The following PIK3C2G variants were observed in gnomAD, a reference collection of about 807,000 sequenced individuals.
PIK3C2G encodes the protein phosphatidylinositol-4-phosphate 3-kinase catalytic subunit type 2 gamma.
PIK3C2G carries 168 observed loss-of-function variants against 181.1 expected under a neutral mutation model. That is an observed-to-expected ratio of 0.93 (90% CI 0.82 to 1.05). The LOEUF is 1.05. Among genes scored for constraint, PIK3C2G ranks in the 50% least tolerant of loss-of-function variants. PIK3C2G has a pLI of 0.00. For synonymous variants in PIK3C2G, 573 were observed against 592.2 expected (o/e 0.97, Z 0.47); for missense variants, 1,869 against 1,732.8 (o/e 1.08, Z -1.40).
Position 18,293,976 on chromosome 12 carries a change from A to ATAT in PIK3C2G, c.997_999dup (p.Ile333dup), listed in dbSNP as rs1565565015. The ATAT allele has an allele frequency of 1.3e-6, 2 of 1,597,990 alleles. No homozygotes were observed. The highest frequency in any genetic ancestry group is 1.7e-6 in the Non-Finnish European group (2 of 1,165,520). On this transcript the variant is annotated inframe_insertion, in exon 5 of 33. Coordinates refer to ENST00000538779, the MANE Select transcript of PIK3C2G (RefSeq NM_001288772.2). Reference sequence around the variant, plus strand: ...AATGACCAGCTACTCCCCAAAGATCATATTCTAAGTGTATGTGGCTCTGAA... The same window carrying ATAT: ...AATGACCAGCTACTCCCCAAAGATCATATTATTCTAAGTGTATGTGGCTCTGAA...
chr12:18,416,485 T>A (rs1356875718), intron 16 of PIK3C2G, among the ~76,000 whole-genome samples: 3 of 152,200 alleles, frequency 2.0e-5, no homozygotes, highest in African/African-American at 7.2e-5. Flanking sequence ...GATAAGTCAA[T>A]GCTGGGCTTC....
intron 18 of PIK3C2G, among the ~76,000 whole-genome samples, chr12:18,464,268 G>A (rs1300351079): frequency 4.6e-5 from 7 of 152,158 alleles, no homozygotes; most frequent in Middle Eastern, 6.8e-3. Flanking sequence ...TCCTCACGTG[G>A]TGGAAAGAGA....
chr12:18,274,428 A>C (rs1948886673), intron 1 of PIK3C2G, among the ~76,000 whole-genome samples: 1 of 152,248 alleles, frequency 6.6e-6, no homozygotes, highest in South Asian at 2.1e-4. Context: ...GATAGACTGG[A>C]TTAAGAAAAT....
intron 16 of PIK3C2G, among the ~76,000 whole-genome samples, chr12:18,411,356 G>C (rs915735770): frequency 2.0e-5 from 3 of 152,104 alleles, no homozygotes; most frequent in Admixed American, 2.0e-4. Flanking sequence ...TATACTCCGA[G>C]TTTGAGTTTT....
intron 18 of PIK3C2G, among the ~76,000 whole-genome samples, chr12:18,434,758 G>A (rs1407735694): frequency 1.3e-5 from 2 of 152,062 alleles, no homozygotes; most frequent in Non-Finnish European, 2.9e-5. Context: ...TCCATAAAGT[G>A]GTAGAGGAAG....
At chr12:18,671,339 A>G in the PIK3C2G span, among the ~76,000 whole-genome samples, 1 of 152,168 alleles carries the variant, frequency 6.6e-6, no homozygotes, top group Non-Finnish European at 1.5e-5. Context: ...ATTGGACTGA[A>G]TCCACAATCG....
chr12:18,354,041 T>C (rs993530275), intron 11 of PIK3C2G, among the ~76,000 whole-genome samples: 3 of 152,256 alleles, frequency 2.0e-5, no homozygotes, highest in Non-Finnish European at 4.4e-5. Flanking sequence ...CTATATGTGA[T>C]ACAAAGCTCA....
intron 24 of PIK3C2G, among the ~76,000 whole-genome samples, chr12:18,527,783 G>A (rs1943322959): frequency 6.6e-6 from 1 of 152,034 alleles, no homozygotes; most frequent in Non-Finnish European, 1.5e-5. Context: ...CTTAGGAAAG[G>A]AGACTTGATA....
chr12:18,301,288 T>G (rs986874614), intron 5 of PIK3C2G, among the ~76,000 whole-genome samples: 1 of 152,194 alleles, frequency 6.6e-6, no homozygotes, highest in South Asian at 2.1e-4. Context: ...ATTGTTTTAT[T>G]ATATAGGTCT....
intron 22 of PIK3C2G, among the ~76,000 whole-genome samples, chr12:18,501,059 C>G (rs1397681244): frequency 6.6e-6 from 1 of 151,982 alleles, no homozygotes; most frequent in East Asian, 1.9e-4. Flanking sequence ...CGAACACATC[C>G]GAACATCAGA....
At chr12:18,619,526 G>T (rs762780556) in intron 31 of PIK3C2G, among the ~76,000 whole-genome samples, 2 of 151,940 alleles carry the variant, frequency 1.3e-5, no homozygotes, top group Non-Finnish European at 2.9e-5. Context: ...TCTGAGTAAT[G>T]CTTTAGCTGT....
At chr12:18,520,724 T>C (rs866316048) in intron 24 of PIK3C2G, among the ~76,000 whole-genome samples, 1 of 152,286 alleles carries the variant, frequency 6.6e-6, no homozygotes, top group Middle Eastern at 3.4e-3. Context: ...TGTCAATTTT[T>C]CCATCTCATC....
At chr12:18,657,735 T>C in the PIK3C2G span, among the ~76,000 whole-genome samples, 1 of 152,130 alleles carries the variant, frequency 6.6e-6, no homozygotes, top group Non-Finnish European at 1.5e-5. Flanking sequence ...TTTCTAGAGT[T>C]GCCACACTAT....
Position 18,520,002 on chromosome 12 carries a change from T to TAA in PIK3C2G, c.3323+14564_3323+14565dup, listed in dbSNP as rs889312316. 3.9e-4 allele frequency among the ~76,000 whole-genome samples: 18 copies of TAA among 46,314 alleles called. 1 individual carries two copies. Among genetic ancestry groups the TAA allele is most frequent in the South Asian group, 1.5e-3 (2 of 1,368 alleles). 30.4% of individuals were successfully genotyped at this position (46,314 alleles called of 152,430 possible). On this transcript the variant is annotated intron_variant, in intron 24 of 32. Coordinates refer to ENST00000538779, the MANE Select transcript of PIK3C2G (RefSeq NM_001288772.2). ...ACACCCAAGAATGATCAATAAATACTAAAAAAAAAAAAAAAAAAAAAAAAG... is the reference window on the plus strand; with the variant it reads ...ACACCCAAGAATGATCAATAAATACTAAAAAAAAAAAAAAAAAAAAAAAAAAG...
chr12:18,374,356 T>C (rs1041350505), intron 13 of PIK3C2G, among the ~76,000 whole-genome samples: 1 of 152,170 alleles, frequency 6.6e-6, no homozygotes, highest in Admixed American at 6.5e-5. Flanking sequence ...CTCCACTGTG[T>C]CAAGTCATTT....
chr12:18,663,161 G>C, the PIK3C2G span, among the ~76,000 whole-genome samples: 1 of 152,006 alleles, frequency 6.6e-6, no homozygotes, highest in African/African-American at 2.4e-5. Context: ...CTAAGATCAG[G>C]AACAAGGCAA....
At chr12:18,366,249 C>T (rs1178982808) in intron 12 of PIK3C2G, among the ~76,000 whole-genome samples, 1 of 152,158 alleles carries the variant, frequency 6.6e-6, no homozygotes, top group Non-Finnish European at 1.5e-5. Context: ...GAGTTCTAAA[C>T]AACGTACTTT....
chr12:18,434,498 A>C (rs775668659), intron 18 of PIK3C2G, among the ~76,000 whole-genome samples: 11 of 152,180 alleles, frequency 7.2e-5, no homozygotes, highest in Non-Finnish European at 1.6e-4. Flanking sequence ...CATAGCATAT[A>C]ATTGTAGAAT....
chr12:18,341,432 T>C (rs1939127251), intron 9 of PIK3C2G, among the ~76,000 whole-genome samples: 1 of 152,142 alleles, frequency 6.6e-6, no homozygotes, highest in Non-Finnish European at 1.5e-5. Flanking sequence ...TAAATATTTA[T>C]CCTATATTTT....
Sources: gnomAD v4.1 joint callset for allele counts (sites outside exome capture counted in the v4.1 genomes callset) on GRCh38, gnomAD v4.1.1 for gene constraint, MANE v1.5 for transcripts, NCBI Gene and HGNC (gene_info 2026-07-23, HGNC 2026-07-21) for gene names.